Variants in INPP4B observed in about 807,000 individuals in gnomAD.
INPP4B encodes the protein inositol polyphosphate-4-phosphatase type II B.
INPP4B carries 55 observed loss-of-function variants against 122.5 expected under a neutral mutation model. The ratio of observed to expected loss-of-function variants is 0.45; its 90% CI spans 0.36 to 0.56. The LOEUF (loss-of-function observed/expected upper bound fraction) is 0.56, where lower values mean the gene tolerates loss of function less well. Among genes scored for constraint, INPP4B ranks in the 20% least tolerant of loss-of-function variants. INPP4B has a pLI of 0.00. For missense variants in INPP4B, 1,000 were observed against 1,097.7 expected (o/e 0.91, Z 1.26); for synonymous variants, 403 against 388.7 (o/e 1.04, Z -0.43).
At chr4:142,333,020 AAAAAAAAC>A (rs1319056994) in intron 7 of INPP4B, among the ~76,000 whole-genome samples, 11 of 150,342 alleles carry the variant, frequency 7.3e-5, no homozygotes, top group Admixed American at 3.3e-4. Flanking sequence ...CAAAAAAAAA[AAAAAAAAC>A]AAAAAAAAAA....
chr4:142,091,311 G>A (rs999430409), intron 23 of INPP4B, among the ~76,000 whole-genome samples: 4 of 152,106 alleles, frequency 2.6e-5, no homozygotes, highest in Non-Finnish European at 4.4e-5. Context: ...CTGCTTTGAC[G>A]TGTAGTCTTA....
chr4:142,178,084 A>T (rs999222798), intron 15 of INPP4B, among the ~76,000 whole-genome samples: 22 of 152,174 alleles, frequency 1.4e-4, no homozygotes, highest in Non-Finnish European at 7.3e-5. Context: ...TCACAGCTCC[A>T]GCTTAACCTG....
At chr4:142,433,783 G>A (rs1482416319) in intron 3 of INPP4B, among the ~76,000 whole-genome samples, 1 of 152,156 alleles carries the variant, frequency 6.6e-6, no homozygotes, top group Admixed American at 6.5e-5. Flanking sequence ...GCAAATTGCA[G>A]GTACAGGAGA....
chr4:142,452,809 T>C (rs1560673438), intron 3 of INPP4B, among the ~76,000 whole-genome samples: 1 of 152,136 alleles, frequency 6.6e-6, no homozygotes, highest in South Asian at 2.1e-4. Flanking sequence ...CTATAAATAC[T>C]TCACCTGACA....
At chr4:142,523,414 G>A (rs2149936714) in intron 2 of INPP4B, among the ~76,000 whole-genome samples, 1 of 152,154 alleles carries the variant, frequency 6.6e-6, no homozygotes, top group South Asian at 2.1e-4. Context: ...GTCATGCAAA[G>A]GGCTGAAATT....
chr4:142,296,860 C>T (rs1168173940), intron 9 of INPP4B, among the ~76,000 whole-genome samples: 1 of 152,172 alleles, frequency 6.6e-6, no homozygotes, highest in Non-Finnish European at 1.5e-5. Context: ...TTGAAAATTT[C>T]AGGAAATCGT....
chr4:142,083,354 G>T (rs1230356962), intron 24 of INPP4B, among the ~76,000 whole-genome samples: 1 of 152,180 alleles, frequency 6.6e-6, no homozygotes, highest in East Asian at 1.9e-4. Context: ...TCTGATTTAA[G>T]TCAGAGAAAA....
At position 142,569,932 on chromosome 4, in the gene INPP4B, A is replaced by G. The variant is rs1051548803; in HGVS notation, c.-190-107206T>C. Among the ~76,000 whole-genome samples, 4 of 152,240 alleles carry G rather than the reference A, an allele frequency of 2.6e-5. No homozygotes were observed. The South Asian group carries it at 8.3e-4, about 32-fold the overall frequency. ...CAAAATACATAGGTAATAAAATAAA[A>G]TCAACATTATTTTTCTTCCATTCCT... On this transcript the variant is annotated intron_variant, in intron 2 of 25. Coordinates refer to ENST00000262992, the MANE Select transcript of INPP4B (RefSeq NM_001101669.3).
chr4:142,828,728 T>C (rs1409856291), intron 1 of INPP4B, among the ~76,000 whole-genome samples: 2 of 152,148 alleles, frequency 1.3e-5, no homozygotes, highest in Non-Finnish European at 2.9e-5. Context: ...CCTCGAGACT[T>C]AGATATCAGA....
intron 16 of INPP4B, among the ~76,000 whole-genome samples, chr4:142,164,812 G>A (rs575450700): frequency 6.6e-6 from 1 of 151,612 alleles, no homozygotes; most frequent in African/African-American, 2.4e-5. Flanking sequence ...CCTTAAGGCA[G>A]GTCTCAAACT....
intron 16 of INPP4B, among the ~76,000 whole-genome samples, chr4:142,165,888 C>G (rs1027485351): frequency 2.6e-5 from 4 of 151,680 alleles, no homozygotes; most frequent in Non-Finnish European, 5.9e-5. Context: ...TCTTTTTATC[C>G]TCGGCCTTTT....
chr4:142,409,245 C>A (rs946269540), intron 5 of INPP4B, among the ~76,000 whole-genome samples: 2 of 152,046 alleles, frequency 1.3e-5, no homozygotes, highest in Non-Finnish European at 2.9e-5. Flanking sequence ...GTAATCCCAG[C>A]ACTTTGGGAG....
chr4:142,731,132 C>T (rs943971738), intron 1 of INPP4B, among the ~76,000 whole-genome samples: 1 of 152,096 alleles, frequency 6.6e-6, no homozygotes, highest in Non-Finnish European at 1.5e-5. Context: ...TCCCTTCCCC[C>T]ACCCCATTCC....
chr4:142,151,904 T>G (rs1268707601), intron 17 of INPP4B, among the ~76,000 whole-genome samples: 1 of 152,120 alleles, frequency 6.6e-6, no homozygotes, highest in Non-Finnish European at 1.5e-5. Context: ...GAAGGAAACC[T>G]TGGAAGATCT....
At chr4:142,545,730 T>TATATAC (rs1829499167) in intron 2 of INPP4B, among the ~76,000 whole-genome samples, 5 of 115,698 alleles carry the variant, frequency 4.3e-5, no homozygotes, top group African/African-American at 1.7e-4. Flanking sequence ...TGTGTGTATA[T>TATATAC]ACACATATAT....
chr4:142,771,398 T>C (rs552027401), intron 1 of INPP4B, among the ~76,000 whole-genome samples: 25 of 152,202 alleles, frequency 1.6e-4, no homozygotes, highest in African/African-American at 6.0e-4. Context: ...CTCTGGCAAA[T>C]GTATGGAGAA....
At chr4:142,446,132 A>T (rs1207807644) in intron 3 of INPP4B, among the ~76,000 whole-genome samples, 1 of 151,338 alleles carries the variant, frequency 6.6e-6, no homozygotes, top group Non-Finnish European at 1.5e-5. Flanking sequence ...TAAAACAAGC[A>T]GGATAAAAAA....
intron 2 of INPP4B, among the ~76,000 whole-genome samples, chr4:142,673,199 T>G (rs1034306410): frequency 2.0e-5 from 3 of 152,176 alleles, no homozygotes; most frequent in Non-Finnish European, 4.4e-5. Context: ...GAAAATATTA[T>G]TGTGGCTATT....
chr4:142,177,999 A>G (rs1214599423), intron 15 of INPP4B, among the ~76,000 whole-genome samples: 2 of 152,088 alleles, frequency 1.3e-5, no homozygotes, highest in Non-Finnish European at 1.5e-5. Flanking sequence ...CACATGTTGC[A>G]CTAATGATTT....
Sources: allele counts gnomAD v4.1 joint callset (sites outside exome capture counted in the v4.1 genomes callset), GRCh38; gene constraint gnomAD v4.1.1; transcripts MANE v1.5; gene names NCBI Gene and HGNC (gene_info 2026-07-23, HGNC 2026-07-21).